The following PPIC variants were observed in gnomAD, a reference collection of about 807,000 sequenced individuals.
PPIC encodes peptidylprolyl isomerase C, also known as peptidyl-prolyl cis-trans isomerase C.
Under a neutral mutation model 19.5 loss-of-function variants are expected in PPIC, and 19 were observed. The observed-to-expected ratio is 0.98, with a 90% CI of 0.68 to 1.43. The LOEUF is 1.43. PPIC is among the 40% of genes most tolerant of loss of function. The pLI is 0.00. For missense variants in PPIC, 268 were observed against 268.6 expected (o/e 1.00, Z 0.02); for synonymous variants, 107 against 101.2 (o/e 1.06, Z -0.34).
chr5:123,032,224 A>C (rs1456306145), intron 1 of PPIC, among the ~76,000 whole-genome samples: 2 of 152,134 alleles, frequency 1.3e-5, no homozygotes, highest in Admixed American at 6.5e-5. Flanking sequence ...ATTCATCCTC[A>C]CCACACTGGG....
rs1319928240 is a variant in PPIC at position 123,023,318 on chromosome 5, G to C, written c.*557C>G. ...TCTAATCTGTTCACTGTTAATGCTAGAGTGTGTGTATTTTTGTATATTTCT... is the reference window on the plus strand; with the variant it reads ...TCTAATCTGTTCACTGTTAATGCTACAGTGTGTGTATTTTTGTATATTTCT... On this transcript the variant is annotated 3_prime_UTR_variant, in exon 5 of 5. Coordinates refer to ENST00000306442, the MANE Select transcript of PPIC (RefSeq NM_000943.5). The C allele has an allele frequency of 6.6e-6, 1 of 152,196 alleles. No individual in the cohort carries two copies. Among genetic ancestry groups the C allele is most frequent in the Non-Finnish European group, 1.5e-5 (1 of 68,068 alleles). The allele number at this position is 152,196 out of a possible 1,614,324, so 9.4% of individuals were successfully genotyped here.
rs45441397 is a variant in PPIC, at chr5:123,031,808, A to G, written c.118-2390T>C. On this transcript the variant is annotated intron_variant, in intron 1 of 4. Coordinates refer to ENST00000306442, the MANE Select transcript of PPIC (RefSeq NM_000943.5). The stretch of plus-strand genomic sequence containing the variant: ...AGAAAAGGCATTTATTTATTTACTT[A>G]TTTACTGAGACAGAATCTCATTCTG... 4.9e-3 allele frequency among the ~76,000 whole-genome samples: 740 copies of G among 152,170 alleles called. 3 individuals carry two copies. Among genetic ancestry groups the G allele is most frequent in the Admixed American group, 8.8e-3 (134 of 15,288 alleles).
intron 1 of PPIC, among the ~76,000 whole-genome samples, chr5:123,033,732 G>C (rs1271763378): frequency 6.6e-6 from 1 of 152,224 alleles, no homozygotes; most frequent in African/African-American, 2.4e-5. Context: ...GGAGGAAACT[G>C]AGCTGTGGAC....
intron 1 of PPIC, 113 bp from the exon 2 acceptor site, chr5:123,029,531 A>C (rs1416232360): frequency 7.0e-7 from 1 of 1,424,252 alleles, no homozygotes; most frequent in African/African-American, 1.4e-5. Context: ...CCTGCCCATC[A>C]GTATTTTGTA....
chr5:123,029,358 C>T lies in PPIC; in HGVS notation c.178G>A (p.Gly60Arg). 1 of 1,611,940 alleles carries T rather than the reference C, an allele frequency of 6.2e-7. No homozygotes were observed. Among genetic ancestry groups the T allele is most frequent in the Non-Finnish European group, 8.5e-7 (1 of 1,178,722 alleles). The change falls in exon 2 of 5, where the codon GGA (glycine) becomes AGA (arginine). Residue 60 changes from glycine to arginine, a missense_variant. Gly to Arg is a moderately radical substitution (Grantham distance 125, BLOSUM62 -2). Transcript: ENST00000306442. ...DVGRIVIGLF[G>R]KVVPKTVENF... Reference sequence around the variant, plus strand: ...TCCACTGTCTTGGGCACAACTTTTCCAAAGAGGCCAATCACAATTCTGCCA... The same window carrying T: ...TCCACTGTCTTGGGCACAACTTTTCTAAAGAGGCCAATCACAATTCTGCCA...
At chr5:123,026,120 G>A in intron 3 of PPIC, 152 bp from the exon 4 acceptor site, 3 of 655,668 alleles carry the variant, frequency 4.6e-6, no homozygotes, top group Non-Finnish European at 7.4e-6. Flanking sequence ...CATGAAGGAG[G>A]GAATAAAATT....
intron 1 of PPIC, among the ~76,000 whole-genome samples, chr5:123,034,844 G>T (rs1265174524): frequency 1.3e-5 from 2 of 151,998 alleles, no homozygotes; most frequent in Non-Finnish European, 2.9e-5. Flanking sequence ...CCTAATCCAA[G>T]CCACCATCTG....
intron 3 of PPIC, among the ~76,000 whole-genome samples, chr5:123,026,893 A>G (rs994134865): frequency 6.6e-6 from 1 of 152,272 alleles, no homozygotes; most frequent in Admixed American, 6.5e-5. Flanking sequence ...ATTCTGATTC[A>G]GTTAGAAAAC....
intron 4 of PPIC, among the ~76,000 whole-genome samples, chr5:123,024,576 T>G (rs902401278): frequency 3.3e-5 from 5 of 152,198 alleles, no homozygotes; most frequent in Admixed American, 6.5e-5. Flanking sequence ...CCTGGAAGGC[T>G]TCACAAGCCC....
chr5:123,025,737 T>G, intron 4 of PPIC, 47 bp downstream of exon 4: 1 of 1,554,430 alleles, frequency 6.4e-7, no homozygotes, highest in Non-Finnish European at 8.8e-7. Flanking sequence ...GAAAGTACTC[T>G]CAATAAAAAT....
Position 123,036,508 on chromosome 5 carries a change from C to T in PPIC, c.117+1G>A. On this transcript the variant is annotated splice_donor_variant, in intron 1 of 4. Coordinates refer to ENST00000306442, the MANE Select transcript of PPIC (RefSeq NM_000943.5). LOFTEE classifies it high-confidence loss of function. This position sits in a 1 kb window ranked among gnomAD's most constrained non-coding sequence, Gnocchi z 4.5. ...AGTTGCAGCCCGCCGCTCTCGGTCA[C>T]CTTGGCCGTCACCGAGGGGCCTCGC... The T allele has an allele frequency of 1.9e-6, 3 of 1,606,108 alleles. No homozygotes were observed. Among genetic ancestry groups the T allele is most frequent in the Non-Finnish European group, 8.5e-7 (1 of 1,177,416 alleles).
intron 1 of PPIC, among the ~76,000 whole-genome samples, chr5:123,033,560 C>T (rs1398071521): frequency 6.6e-6 from 1 of 152,220 alleles, no homozygotes; most frequent in East Asian, 1.9e-4. Context: ...AATCTTACAG[C>T]TCATAGCAGA....
chr5:123,030,681 G>C (rs886483095), intron 1 of PPIC, among the ~76,000 whole-genome samples: 1 of 152,074 alleles, frequency 6.6e-6, no homozygotes, highest in Non-Finnish European at 1.5e-5. Context: ...CATGAGAAGG[G>C]GCAGTGTATT....
chr5:123,025,983 G>A lies in PPIC; in HGVS notation c.326-15C>T. 1 of 1,574,908 alleles carries A rather than the reference G, an allele frequency of 6.3e-7. No individual in the cohort carries two copies. The highest frequency in any genetic ancestry group is 8.6e-7 in the Non-Finnish European group (1 of 1,163,388). On this transcript the variant is annotated splice_polypyrimidine_tract_variant and intron_variant, in intron 3 of 4. Transcript: ENST00000306442. ...GATGCTCACACCTGAGACAAAACAA[G>A]GAAGAAAGTCAACAGATGTCTTCCA...
At chr5:123,025,749 T>C (rs1031721725) in intron 4 of PPIC, 35 bp downstream of exon 4, 10 of 1,584,352 alleles carry the variant, frequency 6.3e-6, no homozygotes, top group African/African-American at 1.4e-5. Flanking sequence ...AATAAAAATA[T>C]AAAGCTTTGA....
intron 3 of PPIC, among the ~76,000 whole-genome samples, chr5:123,026,471 C>A (rs1762855817): frequency 6.6e-6 from 1 of 152,208 alleles, no homozygotes; most frequent in African/African-American, 2.4e-5. Context: ...CATAACAACC[C>A]TGAAGAGTAG....
chr5:123,035,538 C>A (rs1762995212), intron 1 of PPIC, among the ~76,000 whole-genome samples: 1 of 152,182 alleles, frequency 6.6e-6, no homozygotes, highest in Admixed American at 6.5e-5. Context: ...CCTCAGGTGG[C>A]GTCTGCGGTC....
intron 4 of PPIC, among the ~76,000 whole-genome samples, chr5:123,025,032 T>C (rs1281102983): frequency 1.3e-5 from 2 of 152,358 alleles, no homozygotes; most frequent in Admixed American, 6.5e-5. Flanking sequence ...ATTCAAATTC[T>C]CTTCAATAAT....
chr5:123,036,214 A>C lies in PPIC; in HGVS notation c.117+295T>G. 1 of 426,644 alleles carries C rather than the reference A, an allele frequency of 2.3e-6. No individual in the cohort carries two copies. Among genetic ancestry groups the C allele is most frequent in the Non-Finnish European group, 4.3e-6 (1 of 234,600 alleles). 26.4% of individuals were successfully genotyped at this position (426,644 alleles called of 1,614,324 possible). A position where few individuals can be genotyped will look rare whatever the true frequency, so the allele number is the denominator to read the frequency against. ...GGAGAACGGGCCCGCCGGTTCCGGA[A>C]GCCTCTCCTACCCCCAGGCTGGTCA... On this transcript the variant is annotated intron_variant, in intron 1 of 4. Coordinates refer to ENST00000306442, the MANE Select transcript of PPIC (RefSeq NM_000943.5). The surrounding 1 kb of genome is among the most constrained non-coding windows in gnomAD (Gnocchi z 4.5).
Sources: allele counts gnomAD v4.1 joint callset (sites outside exome capture counted in the v4.1 genomes callset), GRCh38; gene constraint gnomAD v4.1.1; non-coding constraint Gnocchi (gnomAD v3.1); transcripts MANE v1.5; gene names NCBI Gene and HGNC (gene_info 2026-07-23, HGNC 2026-07-21).